The following BEND2 variants were observed in gnomAD, a reference collection of about 807,000 sequenced individuals.
BEND2 encodes BEN domain containing 2, also known as BEN domain-containing protein 2.
Under a neutral mutation model 43.8 loss-of-function variants are expected in BEND2, and 19 were observed. The ratio of observed to expected loss-of-function variants is 0.43; its 90% confidence interval spans 0.30 to 0.64. BEND2 has a LOEUF of 0.64. Among genes scored for constraint, BEND2 ranks in the 30% least tolerant of loss-of-function variants. BEND2 has a pLI of 0.11. For missense variants in BEND2, 544 were observed against 574.0 expected (o/e 0.95, Z 0.53); for synonymous variants, 226 against 210.1 (o/e 1.08, Z -0.66).
intron 4 of BEND2, among the ~76,000 whole-genome samples, chrX:18,208,075 C>T (rs1925396015): frequency 9.1e-6 from 1 of 110,182 alleles, no homozygotes; most frequent in South Asian, 3.8e-4. Context: ...ATTTTTTTGG[C>T]TCAGTATTTC....
chrX:18,165,366 T>C, intron 13 of BEND2, 143 bp from the exon 14 acceptor site: 1 of 485,099 alleles, frequency 2.1e-6, no homozygotes, highest in Non-Finnish European at 3.4e-6. Context: ...TAATCATTAT[T>C]AAATTAGCTG....
chrX:18,197,753 GA>G (rs1233572354), intron 6 of BEND2, among the ~76,000 whole-genome samples: 2 of 111,580 alleles, frequency 1.8e-5, no homozygotes, highest in South Asian at 3.8e-4. Flanking sequence ...CTTGAGTAAT[GA>G]TATGGTTTGG....
intron 10 of BEND2, among the ~76,000 whole-genome samples, chrX:18,176,604 A>G (rs1312399363): frequency 9.1e-6 from 1 of 109,332 alleles, no homozygotes; most frequent in African/African-American, 3.3e-5. Flanking sequence ...GCTTGAGCCC[A>G]GGAGTTCGAG....
rs183146865 is a variant in BEND2, at chrX:18,200,125, A to T, written c.1033+1690T>A. Among the ~76,000 whole-genome samples the T allele has an allele frequency of 3.5e-3, 391 of 112,250 alleles. 3 individuals carry two copies. The highest frequency in any genetic ancestry group is 0.011 in the African/African-American group (354 of 30,972). ...ACTCCTAATATCCAAAAACTGGAAAAAAAAACAATTTGATGCCTTTTCAAT... is the reference window on the plus strand; with the variant it reads ...ACTCCTAATATCCAAAAACTGGAAATAAAAACAATTTGATGCCTTTTCAAT... On this transcript the variant is annotated intron_variant, in intron 6 of 13. Coordinates refer to ENST00000380033, the MANE Select transcript of BEND2 (RefSeq NM_153346.5).
In BEND2 at chrX:18,165,012, G is replaced by T. The variant is rs1232017326; in HGVS notation, c.2397C>A (p.Thr799=). The T allele has an allele frequency of 8.3e-7, 1 of 1,202,130 alleles. No individual in the cohort carries two copies. The highest frequency in any genetic ancestry group is 2.3e-5 in the Admixed American group (1 of 44,337). ...AAAAAAGTTTGGCAGCTGCCGTTCAGGTGCTTGGGTCAGTGGCGTCGGGAT... is the reference window on the plus strand; with the variant it reads ...AAAAAAGTTTGGCAGCTGCCGTTCATGTGCTTGGGTCAGTGGCGTCGGGAT... ...PGDPDATDPS[T] is the part of the protein sequence containing the mutation. The change falls in exon 14 of 14, where the codon ACC becomes ACA. Residue 799 remains threonine (T), a synonymous_variant. Coordinates refer to ENST00000380033, the MANE Select transcript of BEND2 (RefSeq NM_153346.5).
At chrX:18,165,914 G>A (rs1923811226) in intron 13 of BEND2, among the ~76,000 whole-genome samples, 2 of 111,910 alleles carry the variant, frequency 1.8e-5, no homozygotes, top group Admixed American at 1.9e-4. Flanking sequence ...GATCCCTACA[G>A]GTTAGCATTA....
Position 18,171,089 on chromosome X carries a change from T to A in BEND2, c.2097A>T (p.Thr699=). The change falls in exon 13 of 14, where the codon ACA becomes ACT. Residue 699 remains threonine (T), a synonymous_variant. Coordinates refer to ENST00000380033, the MANE Select transcript of BEND2 (RefSeq NM_153346.5). ...SARYLIQKLF[T]KDVLVQSNVY... is the part of the protein sequence containing the mutation. The stretch of plus-strand genomic sequence containing the variant: ...CGTTACTTTGGACCAGGACATCTTT[T>A]GTGAAGAGTTTCTGAATAAGGTATC... The A allele has an allele frequency of 8.3e-7, 1 of 1,211,959 alleles. No individual in the cohort carries two copies. Among genetic ancestry groups the A allele is most frequent in the Non-Finnish European group, 1.1e-6 (1 of 895,339 alleles).
intron 13 of BEND2, among the ~76,000 whole-genome samples, chrX:18,166,044 G>A (rs995311880): frequency 8.9e-6 from 1 of 112,160 alleles, no homozygotes; most frequent in East Asian, 2.8e-4. Flanking sequence ...AGGTTAAAAG[G>A]CTTCCGTACC....
At position 18,203,934 on chromosome X, in the gene BEND2, C is replaced by A; in HGVS notation, c.493-19G>T. On this transcript the variant is annotated intron_variant, in intron 4 of 13. Coordinates refer to ENST00000380033, the MANE Select transcript of BEND2 (RefSeq NM_153346.5). Reference sequence around the variant, plus strand: ...ACTGTACCTATCCAGGGTAAGAGAACAGAATGAGTAAAGTTATTTTCTTCG... The same window carrying A: ...ACTGTACCTATCCAGGGTAAGAGAAAAGAATGAGTAAAGTTATTTTCTTCG... 8.7e-7 allele frequency: 1 copy of A among 1,145,628 alleles called. No homozygotes were observed. The highest frequency in any genetic ancestry group is 2.2e-5 in the South Asian group (1 of 45,875). The allele number at this position is 1,145,628 out of a possible 1,213,427, so 94.4% of individuals were successfully genotyped here. A position where few individuals can be genotyped will look rare whatever the true frequency, so the allele number is the denominator to read the frequency against.
intron 7 of BEND2, among the ~76,000 whole-genome samples, chrX:18,194,192 C>G (rs1924865889): frequency 9.0e-6 from 1 of 111,720 alleles, no homozygotes; most frequent in Non-Finnish European, 1.9e-5. Flanking sequence ...AACAATAGTA[C>G]AGCCTCTCTA....
intron 11 of BEND2, among the ~76,000 whole-genome samples, chrX:18,175,376 T>C (rs2147392482): frequency 8.9e-6 from 1 of 112,218 alleles, no homozygotes; most frequent in South Asian, 3.7e-4. Flanking sequence ...ACAACAGATA[T>C]GACACTCTTC....
chrX:18,168,257 C>T (rs915136270), intron 13 of BEND2, among the ~76,000 whole-genome samples: 3 of 112,193 alleles, frequency 2.7e-5, no homozygotes, highest in Non-Finnish European at 5.6e-5. Flanking sequence ...TCTTTATGAT[C>T]TCCTAATGCT....
intron 8 of BEND2, among the ~76,000 whole-genome samples, chrX:18,187,210 T>C (rs1924606108): frequency 9.0e-6 from 1 of 110,935 alleles, no homozygotes; most frequent in Non-Finnish European, 1.9e-5. Flanking sequence ...AGTGGCTGAA[T>C]GGATAAAAAA....
chrX:18,215,425 C>T (rs977230286), intron 2 of BEND2, among the ~76,000 whole-genome samples: 1 of 112,238 alleles, frequency 8.9e-6, no homozygotes, highest in African/African-American at 3.2e-5. Context: ...TATCAAATGA[C>T]TTTTTTGGTA....
At chrX:18,202,090 T>C in intron 5 of BEND2, 150 bp from the exon 6 acceptor site, 1 of 524,557 alleles carries the variant, frequency 1.9e-6, no homozygotes, top group Non-Finnish European at 2.9e-6. Flanking sequence ...GACTTACCCT[T>C]AAAGAAAGGT....
At chrX:18,169,658 T>G (rs991371407) in intron 13 of BEND2, among the ~76,000 whole-genome samples, 3 of 111,860 alleles carry the variant, frequency 2.7e-5, no homozygotes, top group Non-Finnish European at 5.6e-5. Context: ...GGGCTGGCTC[T>G]GCCCCTTGGG....
intron 8 of BEND2, among the ~76,000 whole-genome samples, chrX:18,181,443 A>G (rs776033196): frequency 9.0e-6 from 1 of 111,476 alleles, no homozygotes; most frequent in East Asian, 2.8e-4. Flanking sequence ...GAATGGTTAA[A>G]GGAACTGTGG....
rs776640132 is a variant in BEND2 at position 18,216,526 on chromosome X, G to A, written c.233C>T (p.Ser78Leu). 8.3e-7 allele frequency: 1 copy of A among 1,200,299 alleles called. No homozygotes were observed. The highest frequency in any genetic ancestry group is 1.1e-6 in the Non-Finnish European group (1 of 885,279). Reference sequence around the variant, plus strand: ...ATGAAATTTAACAAAATTACCATATGACATTTGGAGTGGACGGTGATGGCC... The same window carrying A: ...ATGAAATTTAACAAAATTACCATATAACATTTGGAGTGGACGGTGATGGCC... Reference protein sequence around the residue: ...NDGHHRPLQMSYGSGSVTQAG... With the variant: ...NDGHHRPLQMLYGSGSVTQAG... The change falls in exon 2 of 14, where the codon TCA (serine) becomes TTA (leucine). Residue 78 changes from serine (S) to leucine (L), a missense_variant. By Grantham distance (145) the Ser-to-Leu change is moderately radical. Coordinates refer to ENST00000380033, the MANE Select transcript of BEND2 (RefSeq NM_153346.5).
Position 18,164,868 on chromosome X carries a change from A to C in BEND2, c.*141T>G. On this transcript the variant is annotated 3_prime_UTR_variant, in exon 14 of 14. Transcript: ENST00000380033. The stretch of plus-strand genomic sequence containing the variant: ...GTGATTCTACCTCCTTTATGAGCAG[A>C]AAAAGAGGTTTGGCGATTACTACAG... The C allele has an allele frequency of 1.7e-6, 1 of 574,698 alleles. No individual in the cohort carries two copies. The highest frequency in any genetic ancestry group is 2.7e-6 in the Non-Finnish European group (1 of 369,293). 47.4% of individuals were successfully genotyped at this position (574,698 alleles called of 1,213,427 possible). A position where few individuals can be genotyped will look rare whatever the true frequency, so the allele number is the denominator to read the frequency against.
Sources: gnomAD v4.1 joint callset for allele counts (sites outside exome capture counted in the v4.1 genomes callset) on GRCh38, gnomAD v4.1.1 for gene constraint, MANE v1.5 for transcripts, NCBI Gene and HGNC (gene_info 2026-07-23, HGNC 2026-07-21) for gene names.